SYNE1: variants seen among roughly 807,000 people sequenced by gnomAD.
The protein encoded by SYNE1 is spectrin repeat containing nuclear envelope protein 1, also known as nesprin-1.
Under a neutral mutation model 1,111.0 loss-of-function variants are expected in SYNE1, and 616 were observed. The observed-to-expected ratio is 0.55, with a 90% CI of 0.52 to 0.59. The LOEUF (loss-of-function observed/expected upper bound fraction) is 0.59, where lower values mean the gene tolerates loss of function less well. Among genes scored for constraint, SYNE1 ranks in the 20% least tolerant of loss-of-function variants. The pLI, the probability that SYNE1 is intolerant of heterozygous loss-of-function variation, is 0.00. For synonymous variants in SYNE1, 3,855 were observed against 3,825.8 expected, an observed-to-expected ratio of 1.01 and a Z score of -0.28; for missense variants, 10,006 against 10,417.0, an observed-to-expected ratio of 0.96 and a Z score of 1.72.
At chr6:152,592,449 C>G (rs578115285) in intron 3 of SYNE1, among the ~76,000 whole-genome samples, 1 of 152,208 alleles carries the variant, frequency 6.6e-6, no homozygotes, top group East Asian at 1.9e-4. Flanking sequence ...AATCCCTAAG[C>G]AAATTAACAC....
chr6:152,235,254 G>T (rs2083730570), intron 110 of SYNE1, among the ~76,000 whole-genome samples: 2 of 152,252 alleles, frequency 1.3e-5, no homozygotes, highest in South Asian at 4.1e-4. Flanking sequence ...CAGTGATTAG[G>T]CAAGGGAGGG....
chr6:152,124,459 T>C (rs191020787), intron 145 of SYNE1, among the ~76,000 whole-genome samples: 4 of 152,326 alleles, frequency 2.6e-5, no homozygotes, highest in African/African-American at 9.6e-5. Context: ...GGCAGGGTAA[T>C]GTAACCTTGA....
rs543071738 is a variant in SYNE1 at position 152,198,921 on chromosome 6, T to C, written c.23145+2903A>G. 8.0e-5 allele frequency among the ~76,000 whole-genome samples: 12 copies of C among 150,814 alleles called. 1 individual carries two copies. The highest frequency in any genetic ancestry group is 2.7e-4 in the African/African-American group (11 of 41,038). The stretch of plus-strand genomic sequence containing the variant: ...TATGCAGACATATAAAGTGAGCACA[T>C]GCTGTTGGAAAAATGGTGCTGGTAG... On this transcript the variant is annotated intron_variant, in intron 127 of 145. Transcript: ENST00000367255.
chr6:152,159,805 A>AT (rs2062079866), intron 131 of SYNE1, among the ~76,000 whole-genome samples: 1 of 152,018 alleles, frequency 6.6e-6, no homozygotes, highest in African/African-American at 2.4e-5. Flanking sequence ...TAACTTCTCT[A>AT]TTTCTAAGTA....
intron 3 of SYNE1, among the ~76,000 whole-genome samples, chr6:152,570,472 G>A (rs76472223): frequency 2.5e-3 from 375 of 152,170 alleles, no homozygotes; most frequent in African/African-American, 8.1e-3. Context: ...TGAGATCTCC[G>A]AAAAACAAAA....
intron 11 of SYNE1, among the ~76,000 whole-genome samples, chr6:152,497,431 C>G (rs1013039819): frequency 6.6e-6 from 1 of 152,162 alleles, no homozygotes; most frequent in African/African-American, 2.4e-5. Context: ...TTCTTATGAG[C>G]TCAGAGAGAA....
intron 108 of SYNE1, among the ~76,000 whole-genome samples, chr6:152,237,436 A>G (rs1249408387): frequency 6.6e-6 from 1 of 151,220 alleles, no homozygotes; most frequent in Non-Finnish European, 1.5e-5. Context: ...CATCCTCCCA[A>G]GTAGCTGGGA....
chr6:152,275,112 A>C (rs1168377183), intron 98 of SYNE1, among the ~76,000 whole-genome samples: 1 of 152,012 alleles, frequency 6.6e-6, no homozygotes, highest in Non-Finnish European at 1.5e-5. Flanking sequence ...TTGCTATGAT[A>C]CCCAGGCTGG....
At chr6:152,489,620 C>T (rs2098959612) in intron 11 of SYNE1, among the ~76,000 whole-genome samples, 1 of 152,130 alleles carries the variant, frequency 6.6e-6, no homozygotes, top group African/African-American at 2.4e-5. Flanking sequence ...ATGATCCATG[C>T]CTTCTCTCAC....
At chr6:152,279,147 C>CT (rs59520598) in intron 97 of SYNE1, among the ~76,000 whole-genome samples, 11,242 of 112,628 alleles carry the variant, frequency 0.1, 506 homozygotes, top group Admixed American at 0.15. Flanking sequence ...CTTTTCTTTT[C>CT]TTTTTTTTTT....
At position 152,347,042 on chromosome 6, in the gene SYNE1, G is replaced by A. The variant is rs1392067617; in HGVS notation, c.12078+17C>T. 20 of 1,613,914 alleles carry A rather than the reference G, an allele frequency of 1.2e-5. No individual in the cohort carries two copies. The highest frequency in any genetic ancestry group is 1.6e-5 in the Non-Finnish European group (19 of 1,179,926). Reference sequence around the variant, plus strand: ...CCATAATTCCTTGTCACTGTGGAATGTTCTGGGGGCACTCACCCTCTGAGC... The same window carrying A: ...CCATAATTCCTTGTCACTGTGGAATATTCTGGGGGCACTCACCCTCTGAGC... On this transcript the variant is annotated intron_variant, in intron 73 of 145. Coordinates refer to ENST00000367255, the MANE Select transcript of SYNE1 (RefSeq NM_182961.4).
intron 11 of SYNE1, among the ~76,000 whole-genome samples, chr6:152,490,027 G>C (rs961283862): frequency 6.6e-6 from 1 of 152,060 alleles, no homozygotes. Context: ...TATAAAGTCA[G>C]CCCTCTGTTT....
At chr6:152,285,206 C>T (rs952942981) in intron 95 of SYNE1, among the ~76,000 whole-genome samples, 19 of 143,780 alleles carry the variant, frequency 1.3e-4, no homozygotes, top group Admixed American at 1.2e-3. Flanking sequence ...TCACACCTTC[C>T]TCTCCTTCAC....
At chr6:152,616,468 TG>T (rs2099649773) in intron 3 of SYNE1, among the ~76,000 whole-genome samples, 1 of 152,050 alleles carries the variant, frequency 6.6e-6, no homozygotes, top group African/African-American at 2.4e-5. Context: ...CCCAGCTACT[TG>T]GGAGGCTGAG....
intron 58 of SYNE1, among the ~76,000 whole-genome samples, chr6:152,375,370 GAC>G (rs1183981978): frequency 2.0e-5 from 3 of 152,178 alleles, no homozygotes; most frequent in Non-Finnish European, 4.4e-5. Context: ...TCCTACTAGA[GAC>G]ACTTCAAGCA....
intron 98 of SYNE1, among the ~76,000 whole-genome samples, chr6:152,272,795 A>T (rs893045239): frequency 1.3e-5 from 2 of 152,234 alleles, no homozygotes; most frequent in Non-Finnish European, 2.9e-5. Flanking sequence ...TGAATCATCC[A>T]AGCCCCAATT....
chr6:152,350,593 T>A (rs767410276), intron 71 of SYNE1, 25 bp downstream of exon 71: 1 of 1,614,182 alleles, frequency 6.2e-7, no homozygotes, highest in East Asian at 2.2e-5. Context: ...TAAACCCTTT[T>A]ACGGAGTCTT....
chr6:152,352,313 T>C lies in SYNE1; in HGVS notation c.11294A>G (p.Lys3765Arg). Reference sequence around the variant, plus strand: ...CCTCTCTCCTTTCTCCCGGGCTGATTTCAGCAAACTGTGACCTTTCTCCAT... The same window carrying C: ...CCTCTCTCCTTTCTCCCGGGCTGATCTCAGCAAACTGTGACCTTTCTCCAT... ...KDMEKGHSLLKSAREKGERAV... is the reference protein window; with the variant it reads ...KDMEKGHSLLRSAREKGERAV... The change falls in exon 70 of 146, where the codon AAA becomes AGA. Residue 3765 changes from lysine to arginine, a missense_variant. Lys to Arg is a conservative substitution (Grantham distance 26). Around this residue, in one of 7 missense-constraint regions of SYNE1, gnomAD observed 4,955 missense variants for 5,017.2 expected, o/e 0.99. Coordinates refer to ENST00000367255, the MANE Select transcript of SYNE1 (RefSeq NM_182961.4). The C allele has an allele frequency of 6.2e-7, 1 of 1,614,214 alleles. No individual in the cohort carries two copies. The highest frequency in any genetic ancestry group is 8.5e-7 in the Non-Finnish European group (1 of 1,180,034).
chr6:152,306,903 C>CAAAAAAAAA (rs973985274), intron 91 of SYNE1, among the ~76,000 whole-genome samples: 1 of 60,586 alleles, frequency 1.7e-5, no homozygotes, highest in Non-Finnish European at 3.4e-5. Flanking sequence ...GACTGTGTCT[C>CAAAAAAAAA]AAAAAAAAAA....
Sources: gnomAD v4.1 joint callset for allele counts (sites outside exome capture counted in the v4.1 genomes callset) on GRCh38, gnomAD v4.1.1 for gene constraint, gnomAD v4.1.1 regional missense constraint, MANE v1.5 for transcripts, NCBI Gene and HGNC (gene_info 2026-07-23, HGNC 2026-07-21) for gene names.